Variants in SUPT3H observed in about 807,000 individuals in gnomAD.
SUPT3H encodes transcription initiation protein SPT3 homolog.
Under a neutral mutation model 44.3 loss-of-function variants are expected in SUPT3H, and 44 were observed. The ratio of observed to expected loss-of-function variants is 0.99; its 90% confidence interval spans 0.78 to 1.28. The LOEUF (loss-of-function observed/expected upper bound fraction) is 1.28. SUPT3H is among the 50% of genes most tolerant of loss of function. The pLI is 0.00. For synonymous variants in SUPT3H, 124 were observed against 125.6 expected (o/e 0.99, Z 0.09); for missense variants, 380 against 387.1 (o/e 0.98, Z 0.15).
At chr6:45,320,593 T>C (rs1584900177) in intron 2 of SUPT3H, among the ~76,000 whole-genome samples, 2 of 152,236 alleles carry the variant, frequency 1.3e-5, no homozygotes, top group Non-Finnish European at 1.5e-5. Context: ...CTTCCTGTTT[T>C]TGTAAATAAA....
chr6:45,118,733 G>A (rs1474809461), intron 2 of SUPT3H, among the ~76,000 whole-genome samples: 1 of 152,022 alleles, frequency 6.6e-6, no homozygotes, highest in Non-Finnish European at 1.5e-5. Flanking sequence ...CTGCTCTAAG[G>A]CATATTGCAC....
At chr6:45,296,184 C>CTATATA (rs144309163) in intron 2 of SUPT3H, among the ~76,000 whole-genome samples, 132 of 69,324 alleles carry the variant, frequency 1.9e-3, no homozygotes, top group Middle Eastern at 8.1e-3. Context: ...CATACACATA[C>CTATATA]TACACACACA....
chr6:45,328,025 C>G, intron 2 of SUPT3H: 1 of 207,054 alleles, frequency 4.8e-6, no homozygotes, highest in Non-Finnish European at 1.0e-5. Flanking sequence ...CTCTGCTCTA[C>G]AAATGCTTAA....
In SUPT3H at chr6:45,108,230, C is replaced by T. The variant is rs137979916; in HGVS notation, c.102-2224G>A. On this transcript the variant is annotated intron_variant, in intron 2 of 10. Coordinates refer to ENST00000371459, the MANE Select transcript of SUPT3H (RefSeq NM_003599.4). ...GCTCATACCCGTAATCCTAGCACTA[C>T]TTTGGGAGGCCAAGGCTGGCGGATT... Among the ~76,000 whole-genome samples the T allele has an allele frequency of 2.1e-3, 318 of 152,322 alleles. 1 individual carries two copies. Among genetic ancestry groups the T allele is most frequent in the Non-Finnish European group, 3.0e-3 (207 of 68,026 alleles).
intron 2 of SUPT3H, among the ~76,000 whole-genome samples, chr6:45,168,706 G>A (rs1810312544): frequency 6.6e-6 from 1 of 152,162 alleles, no homozygotes; most frequent in African/African-American, 2.4e-5. Context: ...GCCAGAGAAA[G>A]TTGGATTCTG....
At chr6:45,075,002 G>A (rs1794829636) in intron 3 of SUPT3H, among the ~76,000 whole-genome samples, 1 of 151,854 alleles carries the variant, frequency 6.6e-6, no homozygotes, top group African/African-American at 2.4e-5. Flanking sequence ...ATTTACTTAA[G>A]CGTTCTAACA....
At chr6:45,037,039 G>A (rs140413999) in intron 3 of SUPT3H, among the ~76,000 whole-genome samples, 36 of 152,078 alleles carry the variant, frequency 2.4e-4, no homozygotes, top group Non-Finnish European at 3.7e-4. Flanking sequence ...CAAGAGAGTC[G>A]CACTCAGAGC....
At chr6:45,005,038 T>C (rs1782509218) in intron 5 of SUPT3H, among the ~76,000 whole-genome samples, 1 of 152,202 alleles carries the variant, frequency 6.6e-6, no homozygotes, top group Non-Finnish European at 1.5e-5. Flanking sequence ...TTAATGTTTA[T>C]GGCATAGATT....
At chr6:44,949,134 G>A (rs61267243) in intron 9 of SUPT3H, among the ~76,000 whole-genome samples, 116 of 152,122 alleles carry the variant, frequency 7.6e-4, no homozygotes, top group African/African-American at 2.7e-3. Flanking sequence ...GCAAACTAAC[G>A]CAAGGACAGA....
chr6:45,075,328 T>C (rs1794871032), intron 3 of SUPT3H, among the ~76,000 whole-genome samples: 1 of 152,124 alleles, frequency 6.6e-6, no homozygotes, highest in South Asian at 2.1e-4. Context: ...ATGGTCATAC[T>C]TGATGTTACA....
intron 5 of SUPT3H, 62 bp from the exon 6 acceptor site, chr6:45,003,854 T>C: frequency 7.7e-6 from 12 of 1,548,414 alleles, no homozygotes; most frequent in Non-Finnish European, 1.1e-5. Flanking sequence ...TCAGCACTAA[T>C]TATTACATGT....
intron 2 of SUPT3H, among the ~76,000 whole-genome samples, chr6:45,175,040 A>T (rs35432763): frequency 7.0e-6 from 1 of 142,506 alleles, no homozygotes; most frequent in African/African-American, 2.6e-5. Flanking sequence ...AAAAAAAAAA[A>T]TTAAAAAAAT....
intron 2 of SUPT3H, among the ~76,000 whole-genome samples, chr6:45,352,103 T>C (rs1290542607): frequency 6.6e-6 from 1 of 152,172 alleles, no homozygotes; most frequent in East Asian, 1.9e-4. Flanking sequence ...TGAAAATAAA[T>C]ATTACCTGAC....
intron 2 of SUPT3H, among the ~76,000 whole-genome samples, chr6:45,279,712 G>A (rs752379714): frequency 9.9e-5 from 15 of 152,068 alleles, no homozygotes; most frequent in South Asian, 2.1e-4. Flanking sequence ...ATAAATTACC[G>A]AGTTCACATA....
rs541890914 is a variant in SUPT3H, at chr6:45,151,889, T to G, written c.102-45883A>C. Among the ~76,000 whole-genome samples, 3 of 152,282 alleles carry G rather than the reference T, an allele frequency of 2.0e-5. No homozygotes were observed. The East Asian group carries it at 5.8e-4, about 29-fold the overall frequency. Reference sequence around the variant, plus strand: ...GCTGGGACACCATGCTCTACTGGTTTTCTTCTATCTCAACAGCAGCATCTT... The same window carrying G: ...GCTGGGACACCATGCTCTACTGGTTGTCTTCTATCTCAACAGCAGCATCTT... On this transcript the variant is annotated intron_variant, in intron 2 of 10. Transcript: ENST00000371459.
chr6:45,054,842 T>C (rs2153538375), intron 3 of SUPT3H, among the ~76,000 whole-genome samples: 1 of 152,192 alleles, frequency 6.6e-6, no homozygotes, highest in Non-Finnish European at 1.5e-5. Context: ...GCCTGAACTT[T>C]GAATGTGTGC....
chr6:44,870,595 T>A, intron 10 of SUPT3H, among the ~76,000 whole-genome samples: 1 of 121,394 alleles, frequency 8.2e-6, no homozygotes, highest in African/African-American at 3.0e-5. Context: ...TGAGACTCTG[T>A]CTCAAAAAAA....
chr6:44,924,356 C>T (rs1467421436), intron 10 of SUPT3H, among the ~76,000 whole-genome samples: 1 of 152,086 alleles, frequency 6.6e-6, no homozygotes, highest in Non-Finnish European at 1.5e-5. Flanking sequence ...TTCCAACTGT[C>T]ATCCATAACT....
chr6:45,111,737 T>G (rs1800096139), intron 2 of SUPT3H, among the ~76,000 whole-genome samples: 1 of 152,058 alleles, frequency 6.6e-6, no homozygotes, highest in South Asian at 2.1e-4. Context: ...GAGGATGAAG[T>G]TCATGAGAGT....
Sources: allele counts gnomAD v4.1 joint callset (sites outside exome capture counted in the v4.1 genomes callset), GRCh38; gene constraint gnomAD v4.1.1; transcripts MANE v1.5; gene names NCBI Gene and HGNC (gene_info 2026-07-23, HGNC 2026-07-21).